The following COL25A1 variants were observed in gnomAD, a reference collection of about 807,000 sequenced individuals.
The protein encoded by COL25A1 is collagen type XXV alpha 1 chain.
In COL25A1, 103 loss-of-function variants were observed where a neutral mutation model predicts 128.4. That is an observed-to-expected ratio of 0.80 (90% confidence interval 0.68 to 0.94). The LOEUF is 0.94. COL25A1 is among the 40% of genes least tolerant of loss of function. The pLI is 0.00. For missense variants in COL25A1, 745 were observed against 840.0 expected (o/e 0.89, Z 1.40); for synonymous variants, 279 against 277.2 (o/e 1.01, Z -0.06).
At chr4:108,888,873 TC>T (rs1741123377) in intron 18 of COL25A1, among the ~76,000 whole-genome samples, 1 of 152,216 alleles carries the variant, frequency 6.6e-6, no homozygotes, top group Non-Finnish European at 1.5e-5. Context: ...GACATTTTTT[TC>T]TATTAAAAAG....
At chr4:109,140,569 G>A (rs943533383) in intron 3 of COL25A1, among the ~76,000 whole-genome samples, 3 of 152,158 alleles carry the variant, frequency 2.0e-5, no homozygotes, top group Non-Finnish European at 4.4e-5. Context: ...CCATGAGCAT[G>A]GAATGTTTTT....
intron 3 of COL25A1, among the ~76,000 whole-genome samples, chr4:109,121,525 T>G (rs964313489): frequency 6.6e-6 from 1 of 151,962 alleles, no homozygotes; most frequent in African/African-American, 2.4e-5. Flanking sequence ...ATATGAAAAT[T>G]TCAGTGGCAT....
intron 8 of COL25A1, among the ~76,000 whole-genome samples, chr4:108,958,361 T>C (rs1211709030): frequency 6.6e-6 from 1 of 152,006 alleles, no homozygotes; most frequent in Admixed American, 6.6e-5. Context: ...ACTTAAAACA[T>C]GGGTGTTTCT....
At chr4:109,210,324 T>A (rs1447396522) in intron 3 of COL25A1, among the ~76,000 whole-genome samples, 1 of 152,220 alleles carries the variant, frequency 6.6e-6, no homozygotes, top group Non-Finnish European at 1.5e-5. Context: ...GTCTAAAACC[T>A]CTGAATGTCT....
At chr4:108,846,392 T>G (rs1340104524) in intron 27 of COL25A1, among the ~76,000 whole-genome samples, 173 bp from the exon 28 acceptor site, 1 of 152,212 alleles carries the variant, frequency 6.6e-6, no homozygotes. Flanking sequence ...CTACATGCAA[T>G]CAGTACTATT....
intron 3 of COL25A1, among the ~76,000 whole-genome samples, chr4:109,201,955 A>C (rs13131599): frequency 0.089 from 13,505 of 152,220 alleles, 843 homozygotes; most frequent in East Asian, 0.24. Context: ...AAGCTACCAA[A>C]CTGGTGAAAG....
At chr4:109,125,240 T>A (rs569119563) in intron 3 of COL25A1, among the ~76,000 whole-genome samples, 1 of 152,248 alleles carries the variant, frequency 6.6e-6, no homozygotes, top group South Asian at 2.1e-4. Flanking sequence ...GAACTAATCC[T>A]GATGGTATTA....
chr4:109,107,731 C>A (rs1487087418), intron 3 of COL25A1, among the ~76,000 whole-genome samples: 3 of 152,120 alleles, frequency 2.0e-5, no homozygotes, highest in Non-Finnish European at 4.4e-5. Flanking sequence ...TAGAGTCATT[C>A]TAACAAATAC....
chr4:109,012,999 A>T (rs1324737659), intron 5 of COL25A1, among the ~76,000 whole-genome samples: 1 of 152,076 alleles, frequency 6.6e-6, no homozygotes, highest in East Asian at 1.9e-4. Context: ...ACCAATCAGC[A>T]CTCTGTGTCT....
intron 17 of COL25A1, 29 bp from the exon 18 acceptor site, chr4:108,889,285 C>A: frequency 6.2e-7 from 1 of 1,612,908 alleles, no homozygotes. Context: ...AGATGAAAAA[C>A]ACAGTCTTAA....
chr4:109,161,349 A>T (rs1266306561), intron 3 of COL25A1, among the ~76,000 whole-genome samples: 1 of 152,212 alleles, frequency 6.6e-6, no homozygotes, highest in African/African-American at 2.4e-5. Flanking sequence ...TGAAATGTCA[A>T]TAGTGCCAAG....
chr4:108,926,150 A>G (rs969385297), intron 11 of COL25A1, among the ~76,000 whole-genome samples: 2 of 152,316 alleles, frequency 1.3e-5, no homozygotes, highest in South Asian at 2.1e-4. Context: ...TGAGGTATTA[A>G]TTACTTAAAC....
At chr4:108,963,311 T>G (rs1750934823) in intron 8 of COL25A1, among the ~76,000 whole-genome samples, 1 of 152,212 alleles carries the variant, frequency 6.6e-6, no homozygotes, top group Admixed American at 6.5e-5. Flanking sequence ...GATACAAAAA[T>G]AATGGTGGTA....
At chr4:109,235,425 T>C (rs1229706102) in intron 3 of COL25A1, among the ~76,000 whole-genome samples, 1 of 152,122 alleles carries the variant, frequency 6.6e-6, no homozygotes, top group African/African-American at 2.4e-5. Flanking sequence ...GAGAAGATAC[T>C]CATATCTCAT....
chr4:108,989,611 T>G (rs114732337), intron 6 of COL25A1, among the ~76,000 whole-genome samples: 104 of 152,332 alleles, frequency 6.8e-4, no homozygotes, highest in African/African-American at 2.5e-3. Flanking sequence ...CTGGATATAC[T>G]GATCATTTGG....
intron 19 of COL25A1, among the ~76,000 whole-genome samples, chr4:108,870,958 A>G (rs543874923): frequency 6.6e-6 from 1 of 152,352 alleles, no homozygotes; most frequent in East Asian, 1.9e-4. Context: ...ATACTAATAA[A>G]AGAGAAGAAA....
intron 5 of COL25A1, among the ~76,000 whole-genome samples, chr4:109,039,031 A>G (rs905926689): frequency 2.6e-5 from 4 of 151,924 alleles, no homozygotes; most frequent in Non-Finnish European, 4.4e-5. Context: ...TCTCCTCTTC[A>G]TTCCTACATC....
At position 109,301,674 on chromosome 4, in the gene COL25A1, C is replaced by G. The variant is rs1291242034; in HGVS notation, c.297+49G>C. On this transcript the variant is annotated intron_variant, in intron 2 of 37. Coordinates refer to ENST00000399132, the MANE Select transcript of COL25A1 (RefSeq NM_198721.4). ...GCGGCTAGTCATGCACACAGAGTCA[C>G]GCTTGTACAAGATGTTACCCACGTG... is the stretch of plus-strand genomic sequence containing the variant. 7 of 1,576,074 alleles carry G rather than the reference C, an allele frequency of 4.4e-6. No individual in the cohort carries two copies. In the Admixed American group the frequency reaches 6.8e-5, roughly 15 times the overall value.
At chr4:109,065,732 A>G (rs1413264938) in intron 3 of COL25A1, among the ~76,000 whole-genome samples, 1 of 152,172 alleles carries the variant, frequency 6.6e-6, no homozygotes, top group Non-Finnish European at 1.5e-5. Context: ...CTCTATTTTT[A>G]TTTAAAGACT....
Sources: allele counts gnomAD v4.1 joint callset (sites outside exome capture counted in the v4.1 genomes callset), GRCh38; gene constraint gnomAD v4.1.1; transcripts MANE v1.5; gene names NCBI Gene and HGNC (gene_info 2026-07-23, HGNC 2026-07-21).